Variants in CASR observed in about 807,000 individuals in gnomAD.
CASR encodes the protein calcium sensing receptor, also known as extracellular calcium-sensing receptor.
In CASR, 23 loss-of-function variants were observed where a neutral mutation model predicts 69.1. The observed-to-expected ratio is 0.33, with a 90% CI of 0.24 to 0.47. The LOEUF (loss-of-function observed/expected upper bound fraction) is 0.47. Among genes scored for constraint, CASR ranks in the 20% least tolerant of loss-of-function variants. CASR has a pLI of 1.00. For synonymous variants in CASR, 541 were observed against 544.7 expected, an observed-to-expected ratio of 0.99 and a Z score of 0.10; for missense variants, 924 against 1,356.1, an observed-to-expected ratio of 0.68 and a Z score of 5.00.
intron 1 of CASR, among the ~76,000 whole-genome samples, chr3:122,243,267 A>T (rs1023230806): frequency 2.6e-5 from 4 of 152,188 alleles, no homozygotes; most frequent in Admixed American, 2.6e-4. Context: ...ATATTCGCAA[A>T]CTAGCCATCT....
chr3:122,218,778 A>C (rs1220667656), intron 1 of CASR, among the ~76,000 whole-genome samples: 2 of 152,242 alleles, frequency 1.3e-5, no homozygotes, highest in Non-Finnish European at 2.9e-5. Flanking sequence ...AGAGTTGACA[A>C]TATGCAAGTA....
chr3:122,219,078 G>T (rs929499604), intron 1 of CASR, among the ~76,000 whole-genome samples: 1 of 152,182 alleles, frequency 6.6e-6, no homozygotes, highest in Non-Finnish European at 1.5e-5. Flanking sequence ...ATAAAATGGG[G>T]TGGTAGGTCA....
chr3:122,283,039 G>A (rs1487224763), intron 6 of CASR, among the ~76,000 whole-genome samples: 2 of 152,212 alleles, frequency 1.3e-5, no homozygotes, highest in Non-Finnish European at 2.9e-5. Flanking sequence ...TGAGTCTGCA[G>A]CCTCCCTCAT....
intron 1 of CASR, among the ~76,000 whole-genome samples, chr3:122,250,768 C>T (rs1291758162): frequency 6.6e-6 from 1 of 152,160 alleles, no homozygotes; most frequent in African/African-American, 2.4e-5. Flanking sequence ...ATTTATTCAG[C>T]ATTTACTATT....
At chr3:122,239,817 A>G (rs1022363420) in intron 1 of CASR, among the ~76,000 whole-genome samples, 1 of 152,230 alleles carries the variant, frequency 6.6e-6, no homozygotes, top group South Asian at 2.1e-4. Flanking sequence ...CAAGACCCCT[A>G]TTTGGAAATA....
intron 1 of CASR, among the ~76,000 whole-genome samples, chr3:122,212,537 T>C (rs1032436597): frequency 1.3e-5 from 2 of 152,190 alleles, no homozygotes; most frequent in Non-Finnish European, 2.9e-5. Context: ...CTGCACATCC[T>C]GCACATGTAT....
chr3:122,202,284 GGC>G (rs1004405110), intron 1 of CASR, among the ~76,000 whole-genome samples: 1 of 152,264 alleles, frequency 6.6e-6, no homozygotes, highest in East Asian at 1.9e-4. Context: ...CAGGCGTGGT[GGC>G]GCGCGCCTGC....
chr3:122,258,038 G>A (rs2074575550), intron 3 of CASR, among the ~76,000 whole-genome samples: 2 of 152,176 alleles, frequency 1.3e-5, no homozygotes, highest in Non-Finnish European at 2.9e-5. Context: ...TAAACATTCA[G>A]TGGTGCATTT....
At chr3:122,272,542 T>C (rs2074772505) in intron 4 of CASR, among the ~76,000 whole-genome samples, 1 of 152,228 alleles carries the variant, frequency 6.6e-6, no homozygotes, top group Non-Finnish European at 1.5e-5. Flanking sequence ...TTCAGCCCTT[T>C]TAAATTTCTA....
At chr3:122,280,664 A>G (rs557047666) in intron 5 of CASR, among the ~76,000 whole-genome samples, 23 of 152,188 alleles carry the variant, frequency 1.5e-4, no homozygotes, top group Middle Eastern at 3.4e-3. Context: ...TTCCTCATTC[A>G]TTAGAAGATA....
chr3:122,253,190 T>C (rs1428083233), intron 1 of CASR, among the ~76,000 whole-genome samples: 2 of 151,924 alleles, frequency 1.3e-5, no homozygotes, highest in African/African-American at 4.9e-5. Flanking sequence ...TTTTCCAACA[T>C]TTTTGTTTGG....
intron 1 of CASR, among the ~76,000 whole-genome samples, chr3:122,229,350 T>C (rs1489528747): frequency 1.3e-5 from 2 of 152,252 alleles, no homozygotes; most frequent in Non-Finnish European, 2.9e-5. Context: ...TGAGTTTATT[T>C]CATAACAGTC....
At chr3:122,189,657 T>A (rs1157353393) in intron 1 of CASR, among the ~76,000 whole-genome samples, 1 of 152,204 alleles carries the variant, frequency 6.6e-6, no homozygotes, top group Non-Finnish European at 1.5e-5. Context: ...GTAAAATTAC[T>A]AACAAATAGA....
chr3:122,217,965 G>C (rs901965664), intron 1 of CASR, among the ~76,000 whole-genome samples: 2 of 151,964 alleles, frequency 1.3e-5, no homozygotes, highest in Non-Finnish European at 2.9e-5. Context: ...GAGGTTGGGG[G>C]TTGTAGGAGA....
Position 122,284,846 on chromosome 3 carries a change from G to A in CASR, c.2892G>A (p.Gln964=), listed in dbSNP as rs2074948102. The A allele has an allele frequency of 6.2e-7, 1 of 1,614,056 alleles. No individual in the cohort carries two copies. The highest frequency in any genetic ancestry group is 2.2e-5 in the East Asian group (1 of 44,890). The change falls in exon 7 of 7, where the codon CAG becomes CAA. Residue 964 remains glutamine (Q), a synonymous_variant. Coordinates refer to ENST00000639785, the MANE Select transcript of CASR (RefSeq NM_000388.4). The part of the protein sequence containing the change: ...QRSQQQPRCK[Q]KVIFGSGTVT... ...CTCAGCAGCAGCCCAGATGCAAGCA[G>A]AAGGTCATCTTTGGCAGCGGCACGG... is the stretch of plus-strand genomic sequence containing the variant.
chr3:122,246,635 C>G (rs1002447379), intron 1 of CASR: 1 of 152,176 alleles, frequency 6.6e-6, no homozygotes, highest in Non-Finnish European at 1.5e-5. Context: ...GCTTGAGAGC[C>G]GATGGTTAAA....
chr3:122,208,420 C>T (rs191647879), intron 1 of CASR, among the ~76,000 whole-genome samples: 113 of 152,062 alleles, frequency 7.4e-4, no homozygotes, highest in African/African-American at 2.6e-3. Flanking sequence ...TTTTTCTAAA[C>T]CTTACATGCT....
At chr3:122,212,630 C>T (rs1315905572) in intron 1 of CASR, among the ~76,000 whole-genome samples, 1 of 132,586 alleles carries the variant, frequency 7.5e-6, no homozygotes, top group Non-Finnish European at 1.6e-5. Flanking sequence ...GTTTTGATTC[C>T]AGATTTTCTA....
chr3:122,286,739 A>G lies in CASR; in HGVS notation c.*1548A>G, dbSNP rs2074973833. On this transcript the variant is annotated 3_prime_UTR_variant, in exon 7 of 7. Transcript: ENST00000639785. The stretch of plus-strand genomic sequence containing the variant: ...CTGTCTCCGCAGTGTCAGGGCCTGG[A>G]CCTCCAGCATCCAGGGAAGACCATC... 1 of 152,202 alleles carries G rather than the reference A, an allele frequency of 6.6e-6. No individual in the cohort carries two copies. Among genetic ancestry groups the G allele is most frequent in the Non-Finnish European group, 1.5e-5 (1 of 68,062 alleles). 9.4% of individuals were successfully genotyped at this position (152,202 alleles called of 1,614,324 possible).
Sources: gnomAD v4.1 joint callset for allele counts (sites outside exome capture counted in the v4.1 genomes callset) on GRCh38, gnomAD v4.1.1 for gene constraint, MANE v1.5 for transcripts, NCBI Gene and HGNC (gene_info 2026-07-23, HGNC 2026-07-21) for gene names.